PDE3B: variants seen among roughly 807,000 people sequenced by gnomAD.
PDE3B encodes phosphodiesterase 3B, also known as cGMP-inhibited 3',5'-cyclic phosphodiesterase 3B.
Under a neutral mutation model 116.8 loss-of-function variants are expected in PDE3B, and 66 were observed. The observed-to-expected ratio is 0.56, with a 90% CI of 0.46 to 0.69. PDE3B has a LOEUF of 0.69. PDE3B is among the 30% of genes least tolerant of loss of function. The probability of loss-of-function intolerance (pLI) is 0.00; values close to 1 mark genes in which losing one functional copy is unlikely to be tolerated. For synonymous variants in PDE3B, 595 were observed against 533.6 expected (o/e 1.12, Z -1.59); for missense variants, 1,384 against 1,368.1 (o/e 1.01, Z -0.18).
the PDE3B span, among the ~76,000 whole-genome samples, chr11:14,896,729 G>T: frequency 6.6e-6 from 1 of 152,308 alleles, no homozygotes; most frequent in East Asian, 1.9e-4. Flanking sequence ...TATGGACACT[G>T]AGTGAAGGGA....
At chr11:14,751,976 C>A (rs945275195) in intron 1 of PDE3B, among the ~76,000 whole-genome samples, 3 of 152,138 alleles carry the variant, frequency 2.0e-5, no homozygotes, top group African/African-American at 7.2e-5. Context: ...TTTGAAGTGG[C>A]AGTCTGTTAA....
chr11:14,821,143 G>T (rs1364519452), intron 7 of PDE3B, among the ~76,000 whole-genome samples: 1 of 152,182 alleles, frequency 6.6e-6, no homozygotes, highest in Admixed American at 6.5e-5. Flanking sequence ...TCCAAGATGG[G>T]TTACTCATGT....
At chr11:14,779,488 G>T (rs1410001170) in intron 2 of PDE3B, among the ~76,000 whole-genome samples, 2 of 152,234 alleles carry the variant, frequency 1.3e-5, no homozygotes, top group East Asian at 3.8e-4. Context: ...AACTCTACAA[G>T]CCAGGAGAGA....
chr11:14,750,455 A>G (rs1857028739), intron 1 of PDE3B, among the ~76,000 whole-genome samples: 1 of 152,178 alleles, frequency 6.6e-6, no homozygotes, highest in South Asian at 2.1e-4. Context: ...GAAATCACAG[A>G]TAACTTTATA....
At position 14,791,419 on chromosome 11, in the gene PDE3B, G is replaced by C. The variant is rs543720046; in HGVS notation, c.1415+2177G>C. 1.9e-4 allele frequency among the ~76,000 whole-genome samples: 29 copies of C among 152,056 alleles called. No homozygotes were observed. In the South Asian group the frequency reaches 5.8e-3, roughly 30 times the overall value. ...AGCTGCTTTTTTGTCTGTTACTATT[G>C]TTCTGCCCTTATTTCCCCGCACAAT... is the stretch of plus-strand genomic sequence containing the variant. On this transcript the variant is annotated intron_variant, in intron 4 of 15. Coordinates refer to ENST00000282096, the MANE Select transcript of PDE3B (RefSeq NM_000922.4).
At chr11:14,764,427 T>C (rs1223685985) in intron 1 of PDE3B, among the ~76,000 whole-genome samples, 1 of 152,060 alleles carries the variant, frequency 6.6e-6, no homozygotes, top group Non-Finnish European at 1.5e-5. Flanking sequence ...GAGTAATCAG[T>C]AGAATCACTA....
At chr11:14,685,741 C>A (rs575585302) in intron 1 of PDE3B, among the ~76,000 whole-genome samples, 1 of 152,272 alleles carries the variant, frequency 6.6e-6, no homozygotes, top group Non-Finnish European at 1.5e-5. Context: ...CAGGCATGAG[C>A]CACTGCACCT....
the PDE3B span, chr11:14,879,186 A>G: frequency 6.2e-7 from 1 of 1,613,290 alleles, no homozygotes; most frequent in Non-Finnish European, 8.5e-7. Flanking sequence ...TCAGGATGGA[A>G]CACTTCTGGG....
Position 14,869,501 on chromosome 11 carries a change from G to C in PDE3B, c.3180G>C (p.Gln1060His), listed in dbSNP as rs1222326183. The change falls in exon 16 of 16, where the codon CAG becomes CAC. Residue 1060 changes from glutamine (Q) to histidine (H), a missense_variant. Physicochemically the swap from Gln to His is conservative, Grantham distance 24 (BLOSUM62 0). Transcript: ENST00000282096. ...RRKSRRRIFC[Q>H]LMHHLTENHK... is the part of the protein sequence containing the mutation. ...AAAGCAGACGGCGAATATTTTGTCAGCTAATGCACCACCTCACTGAAAACC... is the reference window on the plus strand; with the variant it reads ...AAAGCAGACGGCGAATATTTTGTCACCTAATGCACCACCTCACTGAAAACC... 1 of 1,613,476 alleles carries C rather than the reference G, an allele frequency of 6.2e-7. No homozygotes were observed. The highest frequency in any genetic ancestry group is 8.5e-7 in the Non-Finnish European group (1 of 1,179,886).
intron 7 of PDE3B, among the ~76,000 whole-genome samples, chr11:14,829,487 A>G (rs886164464): frequency 6.6e-6 from 1 of 152,186 alleles, no homozygotes; most frequent in Admixed American, 6.5e-5. Context: ...AAGGCAAAGA[A>G]AAGAAGATGT....
At chr11:14,783,502 C>G (rs12576508) in intron 2 of PDE3B, among the ~76,000 whole-genome samples, 1 of 151,994 alleles carries the variant, frequency 6.6e-6, no homozygotes, top group Non-Finnish European at 1.5e-5. Context: ...AGCAAGCTAT[C>G]GCAAGGACAG....
At chr11:14,690,039 A>G (rs1005313560) in intron 1 of PDE3B, among the ~76,000 whole-genome samples, 3 of 152,148 alleles carry the variant, frequency 2.0e-5, no homozygotes, top group Non-Finnish European at 2.9e-5. Flanking sequence ...CTGTTCTGGT[A>G]TAGGAAGGAT....
chr11:14,691,398 T>G (rs973092144), intron 1 of PDE3B, among the ~76,000 whole-genome samples: 3 of 152,216 alleles, frequency 2.0e-5, no homozygotes, highest in Admixed American at 1.3e-4. Flanking sequence ...TTTTGACTTA[T>G]TAAGTGATTG....
chr11:14,671,927 C>A (rs1489527376), intron 1 of PDE3B, among the ~76,000 whole-genome samples: 1 of 149,772 alleles, frequency 6.7e-6, no homozygotes, highest in Non-Finnish European at 1.5e-5. Context: ...ACTTAGGGGG[C>A]TGAGGTGGGA....
intron 1 of PDE3B, among the ~76,000 whole-genome samples, chr11:14,695,201 TTTG>T (rs1855168359): frequency 6.6e-6 from 1 of 152,218 alleles, no homozygotes; most frequent in Non-Finnish European, 1.5e-5. Flanking sequence ...TTATTTATGG[TTTG>T]TTATCTTTTT....
chr11:14,711,940 T>G (rs893750140), intron 1 of PDE3B, among the ~76,000 whole-genome samples: 28 of 152,338 alleles, frequency 1.8e-4, no homozygotes, highest in Admixed American at 1.6e-3. Flanking sequence ...TTTAAAATCA[T>G]CCTGCACACT....
the PDE3B span, chr11:14,880,780 T>A: frequency 6.4e-3 from 10,298 of 1,598,616 alleles, 54 homozygotes; most frequent in Non-Finnish European, 7.7e-3. Flanking sequence ...TGAAAAAAAA[T>A]ATTAAAATAT....
intron 1 of PDE3B, among the ~76,000 whole-genome samples, chr11:14,663,789 A>G (rs572240491): frequency 1.3e-5 from 2 of 152,326 alleles, no homozygotes; most frequent in South Asian, 4.1e-4. Flanking sequence ...AGTAACCTAC[A>G]AAGAGACTTA....
intron 1 of PDE3B, among the ~76,000 whole-genome samples, chr11:14,760,410 A>G (rs1019473465): frequency 6.6e-6 from 1 of 152,172 alleles, no homozygotes; most frequent in Non-Finnish European, 1.5e-5. Context: ...CAAAGTAGGA[A>G]CAAATCAGAC....
Sources: allele counts gnomAD v4.1 joint callset (sites outside exome capture counted in the v4.1 genomes callset), GRCh38; gene constraint gnomAD v4.1.1; transcripts MANE v1.5; gene names NCBI Gene and HGNC (gene_info 2026-07-23, HGNC 2026-07-21).